Variants in TNN observed in about 807,000 individuals in gnomAD.
TNN encodes the protein tenascin-N.
A neutral mutation model predicts 134.4 loss-of-function variants in TNN; 122 were observed. That is an observed-to-expected ratio of 0.91 (90% CI 0.78 to 1.06). TNN has a LOEUF of 1.06. Among genes scored for constraint, TNN ranks in the 50% least tolerant of loss-of-function variants. The pLI is 0.00. For missense variants in TNN, 1,739 were observed against 1,699.4 expected, an observed-to-expected ratio of 1.02 and a Z score of -0.41; for synonymous variants, 710 against 670.3, an observed-to-expected ratio of 1.06 and a Z score of -0.91.
At chr1:175,091,994 G>A (rs1039472935) in intron 6 of TNN, among the ~76,000 whole-genome samples, 3 of 152,228 alleles carry the variant, frequency 2.0e-5, no homozygotes, top group Non-Finnish European at 4.4e-5. Context: ...CTGGGGCAGG[G>A]AGATGGGGTG....
chr1:175,070,484 C>T (rs577625864), intron 1 of TNN, among the ~76,000 whole-genome samples: 1 of 152,160 alleles, frequency 6.6e-6, no homozygotes, highest in East Asian at 1.9e-4. Flanking sequence ...AGAGTCATCT[C>T]CAAGGACTTC....
intron 15 of TNN, among the ~76,000 whole-genome samples, chr1:175,131,917 T>TCAC (rs1675683147): frequency 7.3e-6 from 1 of 136,338 alleles, no homozygotes; most frequent in African/African-American, 2.8e-5. Flanking sequence ...GAAGTATTAT[T>TCAC]ACACACACAC....
At position 175,147,143 on chromosome 1, in the gene TNN, A is replaced by T; in HGVS notation, c.*72A>T. ...GCTTGGGGCGGGGTGGGTAGTGGTC[A>T]CTGCGGTCTGGGAGTGCTCAGATAG... On this transcript the variant is annotated 3_prime_UTR_variant, in exon 19 of 19. Coordinates refer to ENST00000239462, the MANE Select transcript of TNN (RefSeq NM_022093.2). The T allele has an allele frequency of 2.2e-6, 3 of 1,393,980 alleles. No homozygotes were observed. Among genetic ancestry groups the T allele is most frequent in the Non-Finnish European group, 2.8e-6 (3 of 1,054,332 alleles). The allele number at this position is 1,393,980 out of a possible 1,614,324, so 86.4% of individuals were successfully genotyped here.
rs1305716053 is a variant in TNN, at chr1:175,128,697, G to A, written c.3281G>A (p.Arg1094Gln). The A allele has an allele frequency of 3.1e-6, 5 of 1,613,912 alleles. No individual in the cohort carries two copies. The highest frequency in any genetic ancestry group is 1.7e-5 in the Admixed American group (1 of 59,996). ...YTIYLHGDASRPLQVYCDMET... is the reference protein window; with the variant it reads ...YTIYLHGDASQPLQVYCDMET... The stretch of plus-strand genomic sequence containing the variant: ...ATCTACCTGCATGGCGATGCCAGCC[G>A]GCCCCTGCAGGTGTACTGTGACATG... Residue 1094 changes from arginine to glutamine, a missense_variant, in exon 15 of 19, where the codon CGG becomes CAG. By Grantham distance (43) the Arg-to-Gln change is conservative. Transcript: ENST00000239462.
chr1:175,113,313 A>G (rs1213615709), intron 9 of TNN, among the ~76,000 whole-genome samples: 2 of 152,076 alleles, frequency 1.3e-5, no homozygotes, highest in Admixed American at 1.3e-4. Context: ...TGAAGAATAG[A>G]CTTGCTGGGT....
At chr1:175,099,897 A>G (rs1005350433) in intron 9 of TNN, among the ~76,000 whole-genome samples, 2 of 151,638 alleles carry the variant, frequency 1.3e-5, no homozygotes, top group African/African-American at 4.9e-5. Flanking sequence ...CTCTGCCAAT[A>G]CATCAGGGGT....
intron 18 of TNN, among the ~76,000 whole-genome samples, chr1:175,146,676 C>T (rs1676076915): frequency 6.6e-6 from 1 of 152,068 alleles, no homozygotes; most frequent in South Asian, 2.1e-4. Context: ...CTTGCTCCCA[C>T]CATAGAGACC....
intron 16 of TNN, among the ~76,000 whole-genome samples, chr1:175,136,158 A>G (rs575671725): frequency 6.6e-6 from 1 of 152,240 alleles, no homozygotes; most frequent in South Asian, 2.1e-4. Context: ...CAGGGGTTTT[A>G]TGCTGATTTA....
chr1:175,082,445 A>G (rs1288496426), intron 4 of TNN, among the ~76,000 whole-genome samples: 6 of 152,114 alleles, frequency 3.9e-5, no homozygotes, highest in African/African-American at 1.4e-4. Flanking sequence ...TTCCCTCCCA[A>G]TTCTTTTACA....
chr1:175,085,321 CG>C, intron 5 of TNN, 83 bp from the exon 6 acceptor site: 1 of 865,434 alleles, frequency 1.2e-6, no homozygotes, highest in Non-Finnish European at 1.9e-6. Flanking sequence ...TCTTCCCTCA[CG>C]GGAGAAATCC....
intron 17 of TNN, 22 bp downstream of exon 17, chr1:175,137,010 C>T: frequency 1.2e-6 from 2 of 1,611,976 alleles, no homozygotes; most frequent in Non-Finnish European, 1.7e-6. Flanking sequence ...TGTTTTCTTA[C>T]TGCGAAGGTC....
intron 9 of TNN, among the ~76,000 whole-genome samples, chr1:175,103,043 T>A (rs1674767334): frequency 6.8e-6 from 1 of 146,204 alleles, no homozygotes. Flanking sequence ...TCGGTAGAAG[T>A]TGTTAGTTGA....
chr1:175,125,906 G>GCT (rs1349113261), intron 12 of TNN, among the ~76,000 whole-genome samples: 3 of 96,558 alleles, frequency 3.1e-5, no homozygotes, highest in African/African-American at 1.2e-4. Flanking sequence ...TCTCTCTCCC[G>GCT]CTCTCTCTCT....
At chr1:175,085,310 A>T in intron 5 of TNN, 95 bp from the exon 6 acceptor site, 1 of 790,652 alleles carries the variant, frequency 1.3e-6, no homozygotes, top group Admixed American at 2.0e-5. Flanking sequence ...ATCACCTCTC[A>T]TCTTCCCTCA....
At chr1:175,079,201 A>G in intron 2 of TNN, 132 bp from the exon 3 acceptor site, 2 of 1,088,676 alleles carry the variant, frequency 1.8e-6, no homozygotes, top group Non-Finnish European at 2.5e-6. Flanking sequence ...ATAGCCGTGC[A>G]AGACCCAGAA....
chr1:175,102,433 C>T lies in TNN; in HGVS notation c.2119+3838C>T, dbSNP rs1454684581. 5.5e-5 allele frequency among the ~76,000 whole-genome samples: 8 copies of T among 146,164 alleles called. 3 individuals carry two copies. Among genetic ancestry groups the T allele is most frequent in the Non-Finnish European group, 1.2e-4 (8 of 65,702 alleles). On this transcript the variant is annotated intron_variant, in intron 9 of 18. Transcript: ENST00000239462. ...CTTAGGCATGGCGGGCTGCAGGTCCCGAGTCCTGCCCGGCGGGAAGGCAGC... is the reference window on the plus strand; with the variant it reads ...CTTAGGCATGGCGGGCTGCAGGTCCTGAGTCCTGCCCGGCGGGAAGGCAGC...
At chr1:175,124,447 A>G (rs2003834) in intron 12 of TNN, among the ~76,000 whole-genome samples, 97,478 of 152,024 alleles carry the variant, frequency 0.64, 31,360 homozygotes, top group African/African-American at 0.69. Context: ...TTGGGAGGTC[A>G]AGGCTGGTGG....
At chr1:175,109,738 A>G (rs1407372043) in intron 9 of TNN, among the ~76,000 whole-genome samples, 1 of 150,554 alleles carries the variant, frequency 6.6e-6, no homozygotes, top group African/African-American at 2.4e-5. Flanking sequence ...ATATATCAAA[A>G]TTTCCTTATC....
chr1:175,117,060 C>G lies in TNN; in HGVS notation c.2241C>G (p.Asp747Glu). 1.2e-6 allele frequency: 2 copies of G among 1,614,208 alleles called. No individual in the cohort carries two copies. Among genetic ancestry groups the G allele is most frequent in the African/African-American group, 2.7e-5 (2 of 75,054 alleles). ...RYVVRYTSAKDGETREVPVGK... is the reference protein window; with the variant it reads ...RYVVRYTSAKEGETREVPVGK... Reference sequence around the variant, plus strand: ...TGGTGCGCTACACCTCTGCCAAGGACGGAGAGACCAGGGAGGTTCCGGTGG... The same window carrying G: ...TGGTGCGCTACACCTCTGCCAAGGAGGGAGAGACCAGGGAGGTTCCGGTGG... The change falls in exon 10 of 19, where the codon GAC (aspartate) becomes GAG (glutamate). Residue 747 changes from aspartate to glutamate, a missense_variant. Physicochemically the swap from Asp to Glu is conservative, Grantham distance 45. Transcript: ENST00000239462.
Sources: gnomAD v4.1 joint callset for allele counts (sites outside exome capture counted in the v4.1 genomes callset) on GRCh38, gnomAD v4.1.1 for gene constraint, MANE v1.5 for transcripts, NCBI Gene and HGNC (gene_info 2026-07-23, HGNC 2026-07-21) for gene names.